Variants in MSRA observed in about 807,000 individuals in gnomAD.
MSRA encodes methionine sulfoxide reductase A.
MSRA carries 54 observed loss-of-function variants against 31.3 expected under a neutral mutation model. That is an observed-to-expected ratio of 1.73 (90% CI 1.39 to 2.17). The LOEUF is 2.17. MSRA is among the 30% of genes most tolerant of loss of function. The pLI is 0.00. For missense variants in MSRA, 507 were observed against 300.9 expected, an observed-to-expected ratio of 1.69 and a Z score of -5.07; for synonymous variants, 169 against 116.5, an observed-to-expected ratio of 1.45 and a Z score of -2.90.
At chr8:10,119,307 T>C (rs1345677243) in intron 1 of MSRA, among the ~76,000 whole-genome samples, 4 of 152,320 alleles carry the variant, frequency 2.6e-5, no homozygotes, top group African/African-American at 9.6e-5. Flanking sequence ...ACAGAAGACT[T>C]TTGTTGAATA....
chr8:10,382,700 G>A (rs1471962866), intron 5 of MSRA, among the ~76,000 whole-genome samples: 1 of 152,188 alleles, frequency 6.6e-6, no homozygotes, highest in Non-Finnish European at 1.5e-5. Flanking sequence ...GAGGACAAAG[G>A]ACTCGAATGG....
At chr8:10,316,569 T>TCTCTCTCC (rs1801736919) in intron 4 of MSRA, among the ~76,000 whole-genome samples, 1 of 144,820 alleles carries the variant, frequency 6.9e-6, no homozygotes, top group Non-Finnish European at 1.5e-5. Flanking sequence ...TCTCTCTCTC[T>TCTCTCTCC]CTCTCCTTCC....
At chr8:10,257,749 C>G (rs1798258886) in intron 3 of MSRA, among the ~76,000 whole-genome samples, 1 of 152,178 alleles carries the variant, frequency 6.6e-6, no homozygotes, top group African/African-American at 2.4e-5. Flanking sequence ...CTGCTCAAGG[C>G]TTTGATGAGC....
At chr8:10,167,291 C>G (rs976589073) in intron 1 of MSRA, among the ~76,000 whole-genome samples, 1 of 152,198 alleles carries the variant, frequency 6.6e-6, no homozygotes, top group Non-Finnish European at 1.5e-5. Flanking sequence ...CGATACTGCT[C>G]TGTCCATTTC....
At chr8:10,195,654 G>A (rs1384924405) in intron 1 of MSRA, among the ~76,000 whole-genome samples, 1 of 152,196 alleles carries the variant, frequency 6.6e-6, no homozygotes, top group Non-Finnish European at 1.5e-5. Flanking sequence ...TTTAATGGAG[G>A]CCAGCTGGCC....
intron 5 of MSRA, among the ~76,000 whole-genome samples, chr8:10,368,282 C>G (rs893065233): frequency 1.3e-5 from 2 of 152,206 alleles, no homozygotes; most frequent in Admixed American, 6.5e-5. Context: ...TAAGGCCTCC[C>G]CCTGCCCAGC....
chr8:10,304,635 A>G (rs1801026837), intron 4 of MSRA, among the ~76,000 whole-genome samples: 1 of 152,190 alleles, frequency 6.6e-6, no homozygotes, highest in Non-Finnish European at 1.5e-5. Flanking sequence ...GCCAGGCTAC[A>G]AATGAACTTG....
chr8:10,248,627 A>G (rs2952221), intron 3 of MSRA, among the ~76,000 whole-genome samples: 146,588 of 152,268 alleles, frequency 0.96, 70,787 homozygotes, highest in East Asian at 1. Flanking sequence ...GTGGATTCAT[A>G]TCCGAATGGT....
intron 5 of MSRA, among the ~76,000 whole-genome samples, chr8:10,376,953 G>T (rs779551289): frequency 6.6e-6 from 1 of 152,218 alleles, no homozygotes; most frequent in African/African-American, 2.4e-5. Context: ...TGTAAGCGGG[G>T]AAGGGATCAA....
intron 3 of MSRA, chr8:10,250,457 C>G: frequency 1.4e-6 from 1 of 702,402 alleles, no homozygotes; most frequent in Non-Finnish European, 2.6e-6. Context: ...TTAGTCTATT[C>G]AAAAGCTTTT....
intron 5 of MSRA, among the ~76,000 whole-genome samples, chr8:10,395,198 G>A (rs1011854757): frequency 2.0e-5 from 3 of 152,156 alleles, no homozygotes; most frequent in Non-Finnish European, 4.4e-5. Flanking sequence ...CTATTTAAGA[G>A]TGTGCTTTGA....
At chr8:10,405,005 G>T (rs915515435) in intron 5 of MSRA, among the ~76,000 whole-genome samples, 1 of 152,188 alleles carries the variant, frequency 6.6e-6, no homozygotes, top group African/African-American at 2.4e-5. Context: ...CAGATGTGGG[G>T]CCTGGGCCAC....
At chr8:10,384,436 G>T (rs1290331883) in intron 5 of MSRA, among the ~76,000 whole-genome samples, 1 of 152,216 alleles carries the variant, frequency 6.6e-6, no homozygotes, top group Middle Eastern at 3.2e-3. Flanking sequence ...TCTTGAGGTA[G>T]CTCCGCAGGA....
intron 1 of MSRA, among the ~76,000 whole-genome samples, chr8:10,199,254 C>G (rs1412162058): frequency 6.6e-6 from 1 of 152,148 alleles, no homozygotes; most frequent in Non-Finnish European, 1.5e-5. Flanking sequence ...AGTCTGCAGT[C>G]TCAGGGAATA....
At chr8:10,175,591 A>G (rs1369310048) in intron 1 of MSRA, among the ~76,000 whole-genome samples, 2 of 152,252 alleles carry the variant, frequency 1.3e-5, no homozygotes, top group Non-Finnish European at 2.9e-5. Flanking sequence ...ATATCTCATT[A>G]AGAGGATAAT....
At chr8:10,326,230 T>G (rs891922764) in intron 5 of MSRA, among the ~76,000 whole-genome samples, 6 of 152,220 alleles carry the variant, frequency 3.9e-5, no homozygotes, top group African/African-American at 1.4e-4. Flanking sequence ...ATGTGAAGTT[T>G]GGAGTGACAG....
chr8:10,236,341 G>A (rs1488189134), intron 2 of MSRA, among the ~76,000 whole-genome samples: 1 of 152,166 alleles, frequency 6.6e-6, no homozygotes, highest in Non-Finnish European at 1.5e-5. Context: ...ATAACTTTCT[G>A]TATAGGAAAT....
intron 1 of MSRA, among the ~76,000 whole-genome samples, chr8:10,088,487 C>T (rs369542315): frequency 2.8e-4 from 43 of 152,194 alleles, no homozygotes; most frequent in African/African-American, 9.9e-4. Flanking sequence ...GTAATCCCAG[C>T]ACTTCGGGAG....
At chr8:10,261,633 A>C (rs1585303949) in intron 3 of MSRA, among the ~76,000 whole-genome samples, 1 of 152,226 alleles carries the variant, frequency 6.6e-6, no homozygotes, top group Non-Finnish European at 1.5e-5. Flanking sequence ...ACCGCCTGCC[A>C]CACATACATC....
Sources: gnomAD v4.1 joint callset for allele counts (sites outside exome capture counted in the v4.1 genomes callset) on GRCh38, gnomAD v4.1.1 for gene constraint, MANE v1.5 for transcripts, NCBI Gene and HGNC (gene_info 2026-07-23, HGNC 2026-07-21) for gene names.